The following MBD2 variants were observed in gnomAD, a reference collection of about 807,000 sequenced individuals.
The protein encoded by MBD2 is methyl-CpG-binding domain protein 2.
In MBD2, 9 loss-of-function variants were observed where a neutral mutation model predicts 39.3. That is an observed-to-expected ratio of 0.23 (90% CI 0.14 to 0.40). MBD2 has a LOEUF of 0.40. Among genes scored for constraint, MBD2 ranks in the 10% least tolerant of loss-of-function variants. The probability of loss-of-function intolerance (pLI) is 1.00; values close to 1 mark genes in which losing one functional copy is unlikely to be tolerated. For missense variants in MBD2, 458 were observed against 532.6 expected, an observed-to-expected ratio of 0.86 and a Z score of 1.38; for synonymous variants, 233 against 211.1, an observed-to-expected ratio of 1.10 and a Z score of -0.90.
In MBD2 at chr18:54,200,759, C is replaced by T. The variant is rs148264836; in HGVS notation, c.702+4239G>A. 1.1e-3 allele frequency among the ~76,000 whole-genome samples: 166 copies of T among 151,262 alleles called. 1 individual carries two copies. Among genetic ancestry groups the T allele is most frequent in the Non-Finnish European group, 1.8e-3 (120 of 68,032 alleles). On this transcript the variant is annotated intron_variant, in intron 2 of 6. Coordinates refer to ENST00000256429, the MANE Select transcript of MBD2 (RefSeq NM_003927.5). ...TGTTCAATAGGATAGTGACTAGGTA[C>T]ATCTGGCTATTTAATTTTAAAGTAA...
intron 2 of MBD2, among the ~76,000 whole-genome samples, chr18:54,201,457 G>C (rs1266659569): frequency 1.3e-5 from 2 of 152,158 alleles, no homozygotes; most frequent in African/African-American, 4.8e-5. Flanking sequence ...TTGAGTTTGA[G>C]ATATCTGAAA....
intron 4 of MBD2, among the ~76,000 whole-genome samples, chr18:54,165,791 A>G (rs2086127085): frequency 6.6e-6 from 1 of 152,260 alleles, no homozygotes; most frequent in Non-Finnish European, 1.5e-5. Flanking sequence ...TAAAAGCAGC[A>G]CATGGGTTAG....
intron 2 of MBD2, among the ~76,000 whole-genome samples, chr18:54,198,670 C>T (rs1219570928): frequency 6.6e-6 from 1 of 152,188 alleles, no homozygotes; most frequent in Non-Finnish European, 1.5e-5. Context: ...GTGATTGCAC[C>T]ACTGCACTTC....
intron 1 of MBD2, among the ~76,000 whole-genome samples, chr18:54,217,152 A>T (rs1487188343): frequency 2.6e-5 from 4 of 152,160 alleles, no homozygotes; most frequent in Admixed American, 2.6e-4. Flanking sequence ...CACATCTGTA[A>T]AACACTCGAT....
At chr18:54,202,657 G>GA in intron 2 of MBD2, 1 of 966,788 alleles carries the variant, frequency 1.0e-6, no homozygotes. Flanking sequence ...AGAAAACAAT[G>GA]AAAATGAAAG....
At chr18:54,183,425 A>C (rs1015141665) in intron 3 of MBD2, among the ~76,000 whole-genome samples, 2 of 152,222 alleles carry the variant, frequency 1.3e-5, no homozygotes, top group African/African-American at 4.8e-5. Context: ...AGACAGATAG[A>C]GAAAGAACCT....
intron 3 of MBD2, among the ~76,000 whole-genome samples, chr18:54,171,080 T>C (rs578196024): frequency 2.0e-5 from 3 of 152,196 alleles, no homozygotes; most frequent in Admixed American, 6.5e-5. Context: ...GTTCGAGTTA[T>C]GAGAAAGACT....
At position 54,165,878 on chromosome 18, in the gene MBD2, T is replaced by C. The variant is rs561983613; in HGVS notation, c.931+198A>G. 3.9e-5 allele frequency among the ~76,000 whole-genome samples: 6 copies of C among 152,302 alleles called. No individual in the cohort carries two copies. In the South Asian group the frequency reaches 1.0e-3, roughly 26 times the overall value. On this transcript the variant is annotated intron_variant, in intron 4 of 6. Coordinates refer to ENST00000256429, the MANE Select transcript of MBD2 (RefSeq NM_003927.5). ...TAAGATAATATACTACACTGCAGCA[T>C]CCCTGCAACATACAAGTTTCTCATG...
chr18:54,208,684 G>A (rs898525479), intron 1 of MBD2, among the ~76,000 whole-genome samples: 6 of 152,160 alleles, frequency 3.9e-5, no homozygotes, highest in African/African-American at 1.4e-4. Context: ...AGACAAATAG[G>A]AAGCTATTTA....
chr18:54,186,199 G>C (rs774189726), intron 3 of MBD2, among the ~76,000 whole-genome samples: 24 of 151,858 alleles, frequency 1.6e-4, no homozygotes, highest in Non-Finnish European at 3.2e-4. Flanking sequence ...TCACTATCTT[G>C]AACATCTTAT....
intron 1 of MBD2, among the ~76,000 whole-genome samples, chr18:54,213,790 T>G (rs1170645555): frequency 6.6e-6 from 1 of 152,228 alleles, no homozygotes; most frequent in Non-Finnish European, 1.5e-5. Context: ...CATTATACTT[T>G]TCCATCTATT....
chr18:54,219,945 C>T (rs186010024), intron 1 of MBD2, among the ~76,000 whole-genome samples: 8 of 152,336 alleles, frequency 5.3e-5, no homozygotes, highest in African/African-American at 1.9e-4. Flanking sequence ...GGACTACAGG[C>T]ATCTGCCACC....
chr18:54,196,435 CAG>C (rs2086367563), intron 2 of MBD2, among the ~76,000 whole-genome samples: 1 of 152,106 alleles, frequency 6.6e-6, no homozygotes, highest in African/African-American at 2.4e-5. Context: ...CCAAAGATGC[CAG>C]AGTTTCAGCC....
At position 54,154,229 on chromosome 18, in the gene MBD2, T is replaced by C. The variant is rs1378768223; in HGVS notation, c.*1095A>G. 1 of 152,254 alleles carries C rather than the reference T, an allele frequency of 6.6e-6. No homozygotes were observed. The highest frequency in any genetic ancestry group is 1.5e-5 in the Non-Finnish European group (1 of 68,042). 9.4% of individuals were successfully genotyped at this position (152,254 alleles called of 1,614,324 possible). On this transcript the variant is annotated 3_prime_UTR_variant, in exon 7 of 7. Coordinates refer to ENST00000256429, the MANE Select transcript of MBD2 (RefSeq NM_003927.5). Reference sequence around the variant, plus strand: ...TGATTTTAGAAATCGTTTAATAATGTAATGCTAGTTTTCATAATTAAATAT... The same window carrying C: ...TGATTTTAGAAATCGTTTAATAATGCAATGCTAGTTTTCATAATTAAATAT...
rs2086641302 is a variant in MBD2 at position 54,224,223 on chromosome 18, C to T, written c.337G>A (p.Gly113Ser). 1 of 1,053,824 alleles carries T rather than the reference C, an allele frequency of 9.5e-7. No individual in the cohort carries two copies. Among genetic ancestry groups the T allele is most frequent in the Non-Finnish European group, 1.1e-6 (1 of 875,452 alleles). The allele number at this position is 1,053,824 out of a possible 1,614,324, so 65.3% of individuals were successfully genotyped here. A position where few individuals can be genotyped will look rare whatever the true frequency, so the allele number is the denominator to read the frequency against. The change falls in exon 1 of 7, where the codon GGC (glycine) becomes AGC (serine). Residue 113 changes from glycine (G) to serine (S), a missense_variant. Physicochemically the swap from Gly to Ser is moderately conservative, Grantham distance 56. This residue lies in a region of MBD2 where 269 missense variants were observed against 236.0 expected (regional missense o/e 1.14). Transcript: ENST00000256429. The part of the protein sequence containing the change: ...GLGGDGGGCG[G>S]GGSGGGGAPR... ...GCGCCGCCGCCACCGCTGCCGCCGC[C>T]GCCGCAGCCGCCGCCGTCGCCGCCA... is the stretch of plus-strand genomic sequence containing the variant.
intron 2 of MBD2, among the ~76,000 whole-genome samples, chr18:54,202,149 C>A (rs2086413235): frequency 6.6e-6 from 1 of 151,986 alleles, no homozygotes; most frequent in African/African-American, 2.4e-5. Flanking sequence ...TCGAGACCAG[C>A]CTGGCCAACA....
rs2086039055 is a variant in MBD2 at position 54,154,358 on chromosome 18, A to G, written c.*966T>C. On this transcript the variant is annotated 3_prime_UTR_variant, in exon 7 of 7. Coordinates refer to ENST00000256429, the MANE Select transcript of MBD2 (RefSeq NM_003927.5). The stretch of plus-strand genomic sequence containing the variant: ...AGGTACAGGTAATGGTTTGTAAAGT[A>G]TTACAAACCCTTTCATTAAGCAACT... 6.6e-6 allele frequency: 1 copy of G among 152,214 alleles called. No individual in the cohort carries two copies. The allele number at this position is 152,214 out of a possible 1,614,324, so 9.4% of individuals were successfully genotyped here. A position where few individuals can be genotyped will look rare whatever the true frequency, so the allele number is the denominator to read the frequency against.
intron 4 of MBD2, among the ~76,000 whole-genome samples, chr18:54,165,175 T>G (rs2086122516): frequency 6.6e-6 from 1 of 152,236 alleles, no homozygotes; most frequent in South Asian, 2.1e-4. Flanking sequence ...TTTCCAGCAA[T>G]ATCTCAACAA....
At chr18:54,197,445 G>A (rs1214591838) in intron 2 of MBD2, among the ~76,000 whole-genome samples, 1 of 152,184 alleles carries the variant, frequency 6.6e-6, no homozygotes, top group Non-Finnish European at 1.5e-5. Flanking sequence ...CTTCCTTAGG[G>A]AATTTACACT....
Sources: allele counts gnomAD v4.1 joint callset (sites outside exome capture counted in the v4.1 genomes callset), GRCh38; gene constraint gnomAD v4.1.1; regional missense constraint gnomAD v4.1.1; transcripts MANE v1.5; gene names NCBI Gene and HGNC (gene_info 2026-07-23, HGNC 2026-07-21).